Variants in KCTD16 observed in about 807,000 individuals in gnomAD.
The protein encoded by KCTD16 is potassium channel tetramerization domain containing 16.
KCTD16 carries 13 observed loss-of-function variants against 33.2 expected under a neutral mutation model. The observed-to-expected ratio is 0.39, with a 90% CI of 0.25 to 0.62. KCTD16 has a LOEUF of 0.62. Among genes scored for constraint, KCTD16 ranks in the 20% least tolerant of loss-of-function variants. KCTD16 has a pLI of 0.50. For synonymous variants in KCTD16, 197 were observed against 195.3 expected (o/e 1.01, Z -0.07); for missense variants, 441 against 525.1 (o/e 0.84, Z 1.57).
At chr5:144,299,134 ATATATATATATATATTTTTTTTT>A in intron 3 of KCTD16, among the ~76,000 whole-genome samples, 1 of 29,786 alleles carries the variant, frequency 3.4e-5, no homozygotes, top group African/African-American at 3.7e-4. Context: ...ATATATATAT[ATATATATATATATATTTTTTTTT>A]TTTTTTTTAA....
intron 3 of KCTD16, among the ~76,000 whole-genome samples, chr5:144,441,107 G>C (rs1283401010): frequency 6.6e-6 from 1 of 151,936 alleles, no homozygotes; most frequent in Non-Finnish European, 1.5e-5. Flanking sequence ...ATTTTTCATT[G>C]GGTTATCTAT....
chr5:144,355,184 TA>T (rs1751544672), intron 3 of KCTD16, among the ~76,000 whole-genome samples: 2 of 152,092 alleles, frequency 1.3e-5, no homozygotes, highest in South Asian at 4.1e-4. Context: ...ATTATACAGA[TA>T]GGAATTTTCA....
At chr5:144,375,647 T>C (rs570218524) in intron 3 of KCTD16, among the ~76,000 whole-genome samples, 72 of 152,288 alleles carry the variant, frequency 4.7e-4, no homozygotes, top group Non-Finnish European at 8.4e-4. Context: ...GAGAGAAAAT[T>C]CTTTCTCATT....
intron 3 of KCTD16, among the ~76,000 whole-genome samples, chr5:144,289,472 C>G (rs1421070023): frequency 6.6e-6 from 1 of 152,122 alleles, no homozygotes; most frequent in Admixed American, 6.6e-5. Flanking sequence ...TGGGAAACAC[C>G]ATCTGGTAGG....
At chr5:144,220,887 G>T (rs534344010) in intron 3 of KCTD16, among the ~76,000 whole-genome samples, 1 of 151,616 alleles carries the variant, frequency 6.6e-6, no homozygotes, top group Non-Finnish European at 1.5e-5. Context: ...GTTGCAGTGA[G>T]CCGAGATCAC....
At chr5:144,387,974 A>T (rs552901585) in intron 3 of KCTD16, among the ~76,000 whole-genome samples, 11 of 148,928 alleles carry the variant, frequency 7.4e-5, no homozygotes, top group Non-Finnish European at 1.6e-4. Context: ...GATTTCATTA[A>T]TTTTTTCACT....
chr5:144,312,408 C>A (rs901599765), intron 3 of KCTD16, among the ~76,000 whole-genome samples: 3 of 152,152 alleles, frequency 2.0e-5, no homozygotes, highest in African/African-American at 7.2e-5. Flanking sequence ...TCCCTACCTC[C>A]CTTCTAATCT....
At chr5:144,331,550 A>G (rs1752358349) in intron 3 of KCTD16, among the ~76,000 whole-genome samples, 1 of 152,188 alleles carries the variant, frequency 6.6e-6, no homozygotes, top group Non-Finnish European at 1.5e-5. Flanking sequence ...GCTGTCAAAC[A>G]ATGTGTTACC....
intron 3 of KCTD16, among the ~76,000 whole-genome samples, chr5:144,316,341 G>C (rs1214377785): frequency 6.6e-6 from 1 of 152,022 alleles, no homozygotes; most frequent in Non-Finnish European, 1.5e-5. Context: ...CTACCTACTA[G>C]GTAACGTGGA....
chr5:144,270,032 A>G (rs1755251308), intron 3 of KCTD16, among the ~76,000 whole-genome samples: 1 of 152,056 alleles, frequency 6.6e-6, no homozygotes, highest in South Asian at 2.1e-4. Context: ...AGTATTAAGG[A>G]TCAACTAATT....
At chr5:144,224,603 C>T (rs1271877503) in intron 3 of KCTD16, among the ~76,000 whole-genome samples, 1 of 152,010 alleles carries the variant, frequency 6.6e-6, no homozygotes, top group Non-Finnish European at 1.5e-5. Flanking sequence ...TTTTTACTGT[C>T]TGTAATTTGC....
At chr5:144,449,747 T>G (rs912866286) in intron 3 of KCTD16, among the ~76,000 whole-genome samples, 2 of 152,022 alleles carry the variant, frequency 1.3e-5, no homozygotes, top group Non-Finnish European at 2.9e-5. Flanking sequence ...AAAAGTATAG[T>G]CTTTTCAACA....
intron 3 of KCTD16, among the ~76,000 whole-genome samples, chr5:144,452,146 T>TTA (rs140891816): frequency 0.044 from 6,048 of 138,096 alleles, 439 homozygotes; most frequent in African/African-American, 0.13. Context: ...ATATATAATA[T>TTA]TATATATATA....
chr5:144,396,384 A>G (rs1451045778), intron 3 of KCTD16, among the ~76,000 whole-genome samples: 1 of 152,222 alleles, frequency 6.6e-6, no homozygotes, highest in Non-Finnish European at 1.5e-5. Flanking sequence ...TTGGAAACAC[A>G]AAACTTTGTT....
intron 2 of KCTD16, among the ~76,000 whole-genome samples, chr5:144,202,754 G>A (rs1753073111): frequency 6.6e-6 from 1 of 152,138 alleles, no homozygotes; most frequent in Admixed American, 6.6e-5. Flanking sequence ...TGCAAAACAG[G>A]ATATTTACAG....
chr5:144,289,064 G>A (rs1432778008), intron 3 of KCTD16, among the ~76,000 whole-genome samples: 4 of 152,136 alleles, frequency 2.6e-5, no homozygotes, highest in African/African-American at 9.7e-5. Flanking sequence ...AAGCATCCTG[G>A]TTATGTGGAA....
At chr5:144,465,198 T>C (rs1399682419) in intron 3 of KCTD16, among the ~76,000 whole-genome samples, 3,823 of 105,490 alleles carry the variant, frequency 0.036, 206 homozygotes, top group Non-Finnish European at 0.052. Flanking sequence ...CCTCTCTCTC[T>C]CACTCTCTCT....
intron 2 of KCTD16, among the ~76,000 whole-genome samples, chr5:144,185,339 C>A (rs1752703154): frequency 6.6e-6 from 1 of 152,194 alleles, no homozygotes; most frequent in African/African-American, 2.4e-5. Context: ...AAATTAAATG[C>A]AAATTGATAG....
At chr5:144,274,191 T>A (rs1326462664) in intron 3 of KCTD16, among the ~76,000 whole-genome samples, 1 of 152,062 alleles carries the variant, frequency 6.6e-6, no homozygotes, top group Non-Finnish European at 1.5e-5. Flanking sequence ...CTTCTCTTTT[T>A]CATTTTTACT....
Sources: gnomAD v4.1 joint callset for allele counts (sites outside exome capture counted in the v4.1 genomes callset) on GRCh38, gnomAD v4.1.1 for gene constraint, MANE v1.5 for transcripts, NCBI Gene and HGNC (gene_info 2026-07-23, HGNC 2026-07-21) for gene names.